The following ADAMTS12 variants were observed in gnomAD, a reference collection of about 807,000 sequenced individuals.
ADAMTS12 encodes the protein ADAM metallopeptidase with thrombospondin type 1 motif 12, also known as A disintegrin and metalloproteinase with thrombospondin motifs 12.
A neutral mutation model predicts 167.8 loss-of-function variants in ADAMTS12; 118 were observed. The ratio of observed to expected loss-of-function variants is 0.70; its 90% CI spans 0.61 to 0.82. The LOEUF (loss-of-function observed/expected upper bound fraction) is 0.82, where lower values mean the gene tolerates loss of function less well. Ranked by LOEUF, ADAMTS12 falls within the 40% of genes least tolerant of loss-of-function variation. The pLI is 0.00. For missense variants in ADAMTS12, 1,916 were observed against 1,998.8 expected (o/e 0.96, Z 0.79); for synonymous variants, 704 against 716.9 (o/e 0.98, Z 0.29).
chr5:33,694,110 T>G (rs1039189552), intron 3 of ADAMTS12, among the ~76,000 whole-genome samples: 20 of 152,044 alleles, frequency 1.3e-4, no homozygotes, highest in Non-Finnish European at 5.9e-5. Flanking sequence ...AGGTGAAAGA[T>G]CTCTACAACA....
intron 2 of ADAMTS12, among the ~76,000 whole-genome samples, chr5:33,820,775 T>C (rs1318450893): frequency 2.6e-5 from 4 of 152,144 alleles, no homozygotes; most frequent in Admixed American, 1.3e-4. Flanking sequence ...ATATGCACCA[T>C]AGAATATTAT....
chr5:33,867,262 T>C (rs1749858343), intron 2 of ADAMTS12, among the ~76,000 whole-genome samples: 1 of 152,144 alleles, frequency 6.6e-6, no homozygotes, highest in South Asian at 2.1e-4. Context: ...ACATACACCA[T>C]GAAATACTAT....
At chr5:33,577,743 T>G (rs201585407) in intron 18 of ADAMTS12, among the ~76,000 whole-genome samples, 18,174 of 152,062 alleles carry the variant, frequency 0.12, 1,596 homozygotes, top group East Asian at 0.32. Context: ...ATCCAAGACC[T>G]ACTCTAAAAT....
chr5:33,887,089 C>T (rs1474756063), intron 1 of ADAMTS12, among the ~76,000 whole-genome samples: 1 of 152,056 alleles, frequency 6.6e-6, no homozygotes, highest in Admixed American at 6.6e-5. Context: ...ATTAGTTTGG[C>T]AGATTTGTTA....
chr5:33,876,378 T>A (rs898875097), intron 2 of ADAMTS12, among the ~76,000 whole-genome samples: 1 of 152,240 alleles, frequency 6.6e-6, no homozygotes, highest in South Asian at 2.1e-4. Context: ...TCAGTCTACC[T>A]GATTTCATGA....
intron 23 of ADAMTS12, among the ~76,000 whole-genome samples, chr5:33,529,644 C>CA: frequency 6.6e-6 from 1 of 152,196 alleles, no homozygotes; most frequent in African/African-American, 2.4e-5. Flanking sequence ...ATCATAAAGG[C>CA]AAAAAATTCT....
chr5:33,588,040 T>C (rs886479941), intron 18 of ADAMTS12, among the ~76,000 whole-genome samples: 1 of 152,228 alleles, frequency 6.6e-6, no homozygotes, highest in African/African-American at 2.4e-5. Context: ...TTTCCAATTA[T>C]AGTCAGATAA....
chr5:33,785,135 A>T (rs2112448050), intron 2 of ADAMTS12, among the ~76,000 whole-genome samples: 1 of 152,136 alleles, frequency 6.6e-6, no homozygotes, highest in Non-Finnish European at 1.5e-5. Flanking sequence ...AAGAATGATG[A>T]TGGACACCTT....
chr5:33,585,038 T>TATCCATCCATCC (rs34073710), intron 18 of ADAMTS12, among the ~76,000 whole-genome samples: 1 of 150,414 alleles, frequency 6.6e-6, no homozygotes, highest in African/African-American at 2.4e-5. Context: ...GTTATCCATG[T>TATCCATCCATCC]ATCCATCCAT....
intron 2 of ADAMTS12, among the ~76,000 whole-genome samples, chr5:33,836,169 G>A (rs1021251954): frequency 2.6e-5 from 4 of 152,094 alleles, no homozygotes; most frequent in South Asian, 2.1e-4. Flanking sequence ...AAAATCACAC[G>A]GCCATGCCCA....
Position 33,891,805 on chromosome 5 carries a change from G to A in ADAMTS12, c.52C>T (p.Leu18Phe). 6.2e-7 allele frequency: 1 copy of A among 1,614,236 alleles called. No homozygotes were observed. The highest frequency in any genetic ancestry group is 8.5e-7 in the Non-Finnish European group (1 of 1,180,038). ...TAGCAAAGCGCCCCAAAGTTAAGGA[G>A]CTGAGCCACCACGGAAAGGTTTGCA... ...WLANLSVVAQLLNFGALCYGR... is the reference protein window; with the variant it reads ...WLANLSVVAQFLNFGALCYGR... The change falls in exon 1 of 24, where the codon CTC becomes TTC. Residue 18 changes from leucine (L) to phenylalanine (F), a missense_variant. Transcript: ENST00000504830.
chr5:33,544,498 T>C (rs1294685182), intron 22 of ADAMTS12, among the ~76,000 whole-genome samples: 3 of 152,140 alleles, frequency 2.0e-5, no homozygotes, highest in Admixed American at 6.5e-5. Flanking sequence ...CTTCACAGAA[T>C]TGGAAAAAAC....
chr5:33,528,737 CCCGTCAGCAA>C (rs1329787755), intron 23 of ADAMTS12, among the ~76,000 whole-genome samples: 1 of 152,178 alleles, frequency 6.6e-6, no homozygotes, highest in African/African-American at 2.4e-5. Context: ...AAGCCAACAA[CCCGTCAGCAA>C]AATAACCAAT....
At position 33,849,437 on chromosome 5, in the gene ADAMTS12, A is replaced by ACAGCAAT. The variant is rs1561306728; in HGVS notation, c.489+31681_489+31682insATTGCTG. 2.2e-3 allele frequency among the ~76,000 whole-genome samples: 159 copies of ACAGCAAT among 71,902 alleles called. 7 individuals are homozygous for ACAGCAAT. The highest frequency in any genetic ancestry group is 0.013 in the East Asian group (20 of 1,534). 47.2% of individuals were successfully genotyped at this position (71,902 alleles called of 152,430 possible). ...GCAATATATATATGTATTGAATAGC[A>ACAGCAAT]ATATATATATGTATTGCACAGCAAT... On this transcript the variant is annotated intron_variant, in intron 2 of 23. Transcript: ENST00000504830.
intron 2 of ADAMTS12, among the ~76,000 whole-genome samples, chr5:33,786,150 G>A (rs1192770243): frequency 6.6e-6 from 1 of 152,158 alleles, no homozygotes; most frequent in Non-Finnish European, 1.5e-5. Flanking sequence ...ATTTGCTTGT[G>A]GCTGGGATAG....
chr5:33,722,620 G>A (rs371512115), intron 3 of ADAMTS12, among the ~76,000 whole-genome samples: 11 of 152,184 alleles, frequency 7.2e-5, no homozygotes, highest in Middle Eastern at 3.4e-3. Context: ...TTTCCTTTAC[G>A]CACAGTTTGG....
Position 33,549,232 on chromosome 5 carries a change from G to C in ADAMTS12, c.4277C>G (p.Ala1426Gly), listed in dbSNP as rs144560370. 3.7e-6 allele frequency: 6 copies of C among 1,613,702 alleles called. No homozygotes were observed. The highest frequency in any genetic ancestry group is 5.1e-6 in the Non-Finnish European group (6 of 1,179,726). Residue 1426 changes from alanine to glycine, a missense_variant, in exon 21 of 24, where the codon GCG (alanine) becomes GGG (glycine). Transcript: ENST00000504830. ...CTGGCTCCAAGGCTCCACCTGCCAC[G>C]CCTCACAGGGCTCCGGGTTACAGCT... Reference protein sequence around the residue: ...SMSCNPEPCEAWQVEPWSQCS... With the variant: ...SMSCNPEPCEGWQVEPWSQCS...
intron 18 of ADAMTS12, among the ~76,000 whole-genome samples, chr5:33,586,471 C>T (rs1747358547): frequency 6.6e-6 from 1 of 152,206 alleles, no homozygotes; most frequent in Non-Finnish European, 1.5e-5. Context: ...TATGCAATGG[C>T]CTACATATGG....
chr5:33,628,230 G>A (rs1739751996), intron 13 of ADAMTS12, among the ~76,000 whole-genome samples: 1 of 152,218 alleles, frequency 6.6e-6, no homozygotes, highest in East Asian at 1.9e-4. Context: ...AGGGGAGAGA[G>A]CTGGAAGGTT....
Sources: gnomAD v4.1 joint callset for allele counts (sites outside exome capture counted in the v4.1 genomes callset) on GRCh38, gnomAD v4.1.1 for gene constraint, MANE v1.5 for transcripts, NCBI Gene and HGNC (gene_info 2026-07-23, HGNC 2026-07-21) for gene names.